The following PBX1 variants were observed in gnomAD, a reference collection of about 807,000 sequenced individuals.
The protein encoded by PBX1 is PBX homeobox 1.
PBX1 carries 6 observed loss-of-function variants against 53.4 expected under a neutral mutation model. The ratio of observed to expected loss-of-function variants is 0.11; its 90% confidence interval spans 0.06 to 0.22. The LOEUF is 0.22. Among genes scored for constraint, PBX1 ranks in the 10% least tolerant of loss-of-function variants. The pLI, the probability that PBX1 is intolerant of heterozygous loss-of-function variation, is 1.00. For synonymous variants in PBX1, 204 were observed against 212.3 expected (o/e 0.96, Z 0.34); for missense variants, 251 against 551.4 (o/e 0.46, Z 5.46).
At chr1:164,757,611 AAGTCAGTGTTTTCCATCTGC>A (rs1666598132) in intron 2 of PBX1, among the ~76,000 whole-genome samples, 1 of 152,226 alleles carries the variant, frequency 6.6e-6, no homozygotes, top group African/African-American at 2.4e-5. Flanking sequence ...CTAGCCAATG[AAGTCAGTGTTTTCCATCTGC>A]AGTCAATTGG....
intron 8 of PBX1, among the ~76,000 whole-genome samples, chr1:164,837,618 A>T (rs1400119444): frequency 6.6e-6 from 1 of 152,200 alleles, no homozygotes; most frequent in African/African-American, 2.4e-5. Context: ...TTATTTATTC[A>T]GATATAAGTA....
At chr1:164,700,621 T>C in intron 2 of PBX1, 1 of 985,288 alleles carries the variant, frequency 1.0e-6, no homozygotes, top group Non-Finnish European at 1.2e-6. Context: ...TTACAGTGCA[T>C]GGTACAGAGG....
chr1:164,774,739 T>A (rs1315062743), intron 2 of PBX1: 1 of 152,160 alleles, frequency 6.6e-6, no homozygotes. Context: ...TTCTCTCCCC[T>A]CCACACTTGC....
chr1:164,782,609 G>A (rs1667988671), intron 2 of PBX1, among the ~76,000 whole-genome samples: 1 of 152,186 alleles, frequency 6.6e-6, no homozygotes, highest in Non-Finnish European at 1.5e-5. Flanking sequence ...TATTCCTGTG[G>A]GAGCAAAATG....
chr1:164,670,349 G>T (rs1001530221), intron 2 of PBX1, among the ~76,000 whole-genome samples: 1 of 152,186 alleles, frequency 6.6e-6, no homozygotes, highest in Admixed American at 6.5e-5. Context: ...CTTTCCAGGA[G>T]AATACCCTGG....
chr1:164,733,261 A>G (rs1337476795), intron 2 of PBX1, among the ~76,000 whole-genome samples: 2 of 152,108 alleles, frequency 1.3e-5, no homozygotes, highest in African/African-American at 4.8e-5. Flanking sequence ...CTAGACTGAG[A>G]ACTTCTTGAT....
intron 2 of PBX1, among the ~76,000 whole-genome samples, chr1:164,768,079 A>AAT (rs1353433301): frequency 1.1e-4 from 16 of 152,182 alleles, no homozygotes; most frequent in Non-Finnish European, 4.4e-5. Flanking sequence ...GCTAAGCCAA[A>AAT]ATATAGTACT....
chr1:164,738,960 T>C (rs1036097710), intron 2 of PBX1, among the ~76,000 whole-genome samples: 1 of 152,248 alleles, frequency 6.6e-6, no homozygotes, highest in Non-Finnish European at 1.5e-5. Flanking sequence ...ATGTAAATTA[T>C]ATTGTAGACA....
At chr1:164,766,743 T>A (rs12406078) in intron 2 of PBX1, among the ~76,000 whole-genome samples, 99 of 150,518 alleles carry the variant, frequency 6.6e-4, no homozygotes, top group African/African-American at 2.1e-3. Flanking sequence ...TATTTATTTT[T>A]TTTTTTTTGA....
intron 5 of PBX1, among the ~76,000 whole-genome samples, chr1:164,808,843 G>A (rs1452402016): frequency 1.3e-5 from 2 of 152,166 alleles, no homozygotes; most frequent in Non-Finnish European, 2.9e-5. Context: ...TTCAGATAAA[G>A]CAGAATGAAT....
intron 2 of PBX1, among the ~76,000 whole-genome samples, chr1:164,699,211 A>G (rs2102043197): frequency 6.6e-6 from 1 of 152,332 alleles, no homozygotes; most frequent in Middle Eastern, 3.4e-3. Flanking sequence ...CTATCTACCT[A>G]GATATTTTTT....
chr1:164,713,307 C>T (rs1000649196), intron 2 of PBX1, among the ~76,000 whole-genome samples: 1 of 152,144 alleles, frequency 6.6e-6, no homozygotes, highest in Non-Finnish European at 1.5e-5. Flanking sequence ...TCCAACATGG[C>T]TCTCCAACAG....
rs143922884 is a variant in PBX1 at position 164,759,768 on chromosome 1, C to T, written c.266-32726C>T. 3.2e-3 allele frequency among the ~76,000 whole-genome samples: 485 copies of T among 152,250 alleles called. 2 individuals carry two copies. The highest frequency in any genetic ancestry group is 0.011 in the African/African-American group (454 of 41,532). ...GGGAGACACTTCTGGAGTCAGGACA[C>T]GTAAGGAGTACAAAATTACTCTTTG... On this transcript the variant is annotated intron_variant, in intron 2 of 8. Transcript: ENST00000420696.
In PBX1 at chr1:164,776,993, G is replaced by A. The variant is rs539038095; in HGVS notation, c.266-15501G>A. On this transcript the variant is annotated intron_variant, in intron 2 of 8. Transcript: ENST00000420696. The stretch of plus-strand genomic sequence containing the variant: ...AGAGAGAGAGAGGAGGTGTGGGGGG[G>A]CGGGGGGCTGCCATCCAGAAGATGG... Among the ~76,000 whole-genome samples the A allele has an allele frequency of 2.0e-3, 273 of 135,744 alleles. 26 individuals are homozygous for A. Among genetic ancestry groups the A allele is most frequent in the African/African-American group, 7.0e-3 (260 of 37,136 alleles). The allele number at this position is 135,744 out of a possible 152,430, so 89.1% of individuals were successfully genotyped here.
At chr1:164,832,504 A>G (rs1670817945) in intron 8 of PBX1, among the ~76,000 whole-genome samples, 1 of 152,170 alleles carries the variant, frequency 6.6e-6, no homozygotes. Flanking sequence ...TTCGCTGAGA[A>G]ATGTGTGGTA....
At chr1:164,648,509 A>C (rs1659599561) in intron 2 of PBX1, among the ~76,000 whole-genome samples, 1 of 152,198 alleles carries the variant, frequency 6.6e-6, no homozygotes, top group Non-Finnish European at 1.5e-5. Flanking sequence ...CACGCAGCAG[A>C]GAGGTTGCTG....
At chr1:164,691,865 T>G (rs936447688) in intron 2 of PBX1, among the ~76,000 whole-genome samples, 2 of 152,178 alleles carry the variant, frequency 1.3e-5, no homozygotes, top group Non-Finnish European at 2.9e-5. Context: ...TGGAAAATTC[T>G]GCACCTGACC....
intron 2 of PBX1, among the ~76,000 whole-genome samples, chr1:164,757,817 C>A (rs941193949): frequency 1.7e-5 from 2 of 114,960 alleles, no homozygotes; most frequent in African/African-American, 6.0e-5. Flanking sequence ...TTTTTATCAA[C>A]CACCAGGCCA....
chr1:164,656,536 A>G (rs2101936348), intron 2 of PBX1, among the ~76,000 whole-genome samples: 1 of 152,310 alleles, frequency 6.6e-6, no homozygotes, highest in South Asian at 2.1e-4. Context: ...AACTAAACAT[A>G]TCTATTCCTT....
Sources: allele counts gnomAD v4.1 joint callset (sites outside exome capture counted in the v4.1 genomes callset), GRCh38; gene constraint gnomAD v4.1.1; transcripts MANE v1.5; gene names NCBI Gene and HGNC (gene_info 2026-07-23, HGNC 2026-07-21).